Variants in ADGRG2 observed in about 807,000 individuals in gnomAD.
The protein encoded by ADGRG2 is G protein-coupled receptor 64.
ADGRG2 carries 26 observed loss-of-function variants against 74.1 expected under a neutral mutation model. The observed-to-expected ratio is 0.35, with a 90% CI of 0.26 to 0.49. The LOEUF (loss-of-function observed/expected upper bound fraction) is 0.49, where lower values mean the gene tolerates loss of function less well. Among genes scored for constraint, ADGRG2 ranks in the 20% least tolerant of loss-of-function variants. The pLI is 0.99. For missense variants in ADGRG2, 619 were observed against 763.1 expected (o/e 0.81, Z 2.22); for synonymous variants, 296 against 295.2 (o/e 1.00, Z -0.03).
intron 1 of ADGRG2, among the ~76,000 whole-genome samples, chrX:19,110,989 C>T (rs957199108): frequency 1.8e-5 from 2 of 111,103 alleles, no homozygotes; most frequent in Non-Finnish European, 3.8e-5. Flanking sequence ...AAGAAAGAGA[C>T]GGAGAAGGAT....
At chrX:19,069,160 C>A (rs1327609956) in intron 2 of ADGRG2, among the ~76,000 whole-genome samples, 1 of 111,963 alleles carries the variant, frequency 8.9e-6, no homozygotes, top group Admixed American at 9.5e-5. Flanking sequence ...TACACAGAAT[C>A]TTTTCAATAA....
At chrX:19,110,593 C>G (rs1389763459) in intron 1 of ADGRG2, among the ~76,000 whole-genome samples, 1 of 107,372 alleles carries the variant, frequency 9.3e-6, no homozygotes, top group African/African-American at 3.4e-5. Context: ...GGCTGAGGCA[C>G]AAGAATCACT....
rs2060414333 is a variant in ADGRG2 at position 19,014,058 on chromosome X, T to G, written c.727A>C (p.Ile243Leu). The G allele has an allele frequency of 8.3e-7, 1 of 1,200,426 alleles. No individual in the cohort carries two copies. The highest frequency in any genetic ancestry group is 2.2e-5 in the Admixed American group (1 of 45,053). Residue 243 changes from isoleucine to leucine, a missense_variant, in exon 16 of 29, where the codon ATT becomes CTT. Ile to Leu is a conservative substitution (Grantham distance 5). Coordinates refer to ENST00000379869, the MANE Select transcript of ADGRG2 (RefSeq NM_001079858.3). ...EKLQCDLQDP[I>L]VCLADHPRGP... ...CGTGGATGGTCAGCAAGACAGACAA[T>G]GGGATCCTGCAGGTCACTAAAGGAA...
At chrX:19,111,033 G>A (rs1392413150) in intron 1 of ADGRG2, among the ~76,000 whole-genome samples, 1 of 111,869 alleles carries the variant, frequency 8.9e-6, no homozygotes, top group Non-Finnish European at 1.9e-5. Flanking sequence ...GTAGAGAGAA[G>A]TGGGAAGACT....
At chrX:19,117,187 C>T (rs1014163644) in intron 1 of ADGRG2, among the ~76,000 whole-genome samples, 3 of 108,638 alleles carry the variant, frequency 2.8e-5, no homozygotes, top group African/African-American at 1.0e-4. Context: ...CTCAGCTACT[C>T]GGGAGGCTGA....
At chrX:19,093,902 T>TACACACAC (rs61296210) in intron 1 of ADGRG2, among the ~76,000 whole-genome samples, 44 of 100,190 alleles carry the variant, frequency 4.4e-4, no homozygotes, top group African/African-American at 1.4e-3. Flanking sequence ...TATGTAGGTA[T>TACACACAC]ACACACACAC....
intron 9 of ADGRG2, 77 bp downstream of exon 9, chrX:19,030,907 C>T: frequency 1.4e-6 from 1 of 701,518 alleles, no homozygotes; most frequent in East Asian, 3.5e-5. Context: ...ACCACATACT[C>T]AAAAGAAAAG....
intron 2 of ADGRG2, among the ~76,000 whole-genome samples, chrX:19,080,832 A>G (rs189110840): frequency 5.8e-4 from 64 of 109,969 alleles, no homozygotes; most frequent in African/African-American, 2.1e-3. Context: ...AGTAGCTGGG[A>G]CTATAGGCAC....
chrX:19,042,609 G>A (rs949962493), intron 3 of ADGRG2, among the ~76,000 whole-genome samples: 8 of 111,582 alleles, frequency 7.2e-5, no homozygotes, highest in African/African-American at 2.3e-4. Context: ...GAGCAGAGAA[G>A]GAAGTTTTCT....
Position 19,019,582 on chromosome X carries a change from G to C in ADGRG2, c.710+17C>G, listed in dbSNP as rs1382274471. 1.1e-6 allele frequency: 1 copy of C among 880,425 alleles called. No individual in the cohort carries two copies. Among genetic ancestry groups the C allele is most frequent in the African/African-American group, 2.0e-5 (1 of 49,111 alleles). The allele number at this position is 880,425 out of a possible 1,213,427, so 72.6% of individuals were successfully genotyped here. A position where few individuals can be genotyped will look rare whatever the true frequency, so the allele number is the denominator to read the frequency against. On this transcript the variant is annotated intron_variant, in intron 15 of 28. Transcript: ENST00000379869. ...TTTTTTTTTTTAAGGAGAAGGGTCAGCATGTTTGTTACATACCACTGAAGC... is the reference window on the plus strand; with the variant it reads ...TTTTTTTTTTTAAGGAGAAGGGTCACCATGTTTGTTACATACCACTGAAGC...
At chrX:19,017,955 G>T (rs1413434134) in intron 15 of ADGRG2, among the ~76,000 whole-genome samples, 1 of 110,367 alleles carries the variant, frequency 9.1e-6, no homozygotes, top group East Asian at 2.8e-4. Context: ...TGTCCTCCCT[G>T]TTTTTTTCTA....
chrX:18,997,041 T>C (rs142092140), intron 26 of ADGRG2, among the ~76,000 whole-genome samples: 4,109 of 111,175 alleles, frequency 0.037, 78 homozygotes, highest in Middle Eastern at 0.065. Context: ...TGAGCCGAGA[T>C]CGCTCCACTG....
intron 14 of ADGRG2, among the ~76,000 whole-genome samples, 181 bp from the exon 15 acceptor site, chrX:19,019,846 T>C (rs1346385234): frequency 8.9e-6 from 1 of 112,034 alleles, no homozygotes; most frequent in Non-Finnish European, 1.9e-5. Flanking sequence ...GTATACATAG[T>C]AGTGCTCAAA....
At chrX:19,015,263 G>A in intron 15 of ADGRG2, among the ~76,000 whole-genome samples, 1 of 112,187 alleles carries the variant, frequency 8.9e-6, no homozygotes, top group Non-Finnish European at 1.9e-5. Flanking sequence ...AGAAGAGGGA[G>A]GAATATTAGG....
chrX:19,100,224 G>A (rs2062165419), intron 1 of ADGRG2, among the ~76,000 whole-genome samples: 1 of 112,603 alleles, frequency 8.9e-6, no homozygotes, highest in African/African-American at 3.2e-5. Context: ...AGCACAACAT[G>A]GGTAGAATCC....
At chrX:19,121,997 C>T (rs1442326910) in intron 1 of ADGRG2, among the ~76,000 whole-genome samples, 4 of 112,219 alleles carry the variant, frequency 3.6e-5, no homozygotes, top group Non-Finnish European at 7.5e-5. Flanking sequence ...CCGTCCGGGG[C>T]CCGGGCGCGT....
At chrX:19,095,030 C>G (rs889930572) in intron 1 of ADGRG2, among the ~76,000 whole-genome samples, 1 of 112,070 alleles carries the variant, frequency 8.9e-6, no homozygotes, top group Non-Finnish European at 1.9e-5. Context: ...CATTGACAGC[C>G]TGAATGGACT....
chrX:19,102,487 G>A (rs2062206413), intron 1 of ADGRG2, among the ~76,000 whole-genome samples: 1 of 109,828 alleles, frequency 9.1e-6, no homozygotes, highest in African/African-American at 3.3e-5. Flanking sequence ...TGGCTCTCAG[G>A]AGAAGGCCTC....
chrX:19,096,201 A>G (rs1188519553), intron 1 of ADGRG2, among the ~76,000 whole-genome samples: 1 of 110,351 alleles, frequency 9.1e-6, no homozygotes, highest in Non-Finnish European at 1.9e-5. Context: ...ACCTGAGGTC[A>G]GGAGTTTGAG....
Sources: allele counts gnomAD v4.1 joint callset (sites outside exome capture counted in the v4.1 genomes callset), GRCh38; gene constraint gnomAD v4.1.1; transcripts MANE v1.5; gene names NCBI Gene and HGNC (gene_info 2026-07-23, HGNC 2026-07-21).